Variants in STARD13 observed in about 807,000 individuals in gnomAD.
STARD13 encodes the protein stAR-related lipid transfer protein 13.
In STARD13, 62 loss-of-function variants were observed where a neutral mutation model predicts 106.4. The ratio of observed to expected loss-of-function variants is 0.58; its 90% CI spans 0.48 to 0.72. The LOEUF (loss-of-function observed/expected upper bound fraction) is 0.72. Among genes scored for constraint, STARD13 ranks in the 30% least tolerant of loss-of-function variants. The probability of loss-of-function intolerance (pLI) is 0.00; values close to 1 mark genes in which losing one functional copy is unlikely to be tolerated. For missense variants in STARD13, 1,387 were observed against 1,424.0 expected, an observed-to-expected ratio of 0.97 and a Z score of 0.42; for synonymous variants, 565 against 553.0, an observed-to-expected ratio of 1.02 and a Z score of -0.31.
the STARD13 span, among the ~76,000 whole-genome samples, chr13:33,563,672 C>T: frequency 6.8e-6 from 1 of 147,386 alleles, no homozygotes; most frequent in African/African-American, 2.5e-5. Context: ...CTGGGCAAAA[C>T]ATTTTTGTAT....
intron 1 of STARD13, among the ~76,000 whole-genome samples, chr13:33,311,029 G>A (rs542353574): frequency 1.3e-5 from 2 of 151,590 alleles, no homozygotes; most frequent in Admixed American, 6.6e-5. Context: ...GGGTGAGGTC[G>A]CTCACCCCTT....
the STARD13 span, among the ~76,000 whole-genome samples, chr13:33,399,135 C>T: frequency 6.6e-6 from 1 of 152,056 alleles, no homozygotes; most frequent in Non-Finnish European, 1.5e-5. Context: ...TATATTCACA[C>T]AATGGAGTAT....
At chr13:33,160,916 A>G (rs1335255877) in intron 3 of STARD13, among the ~76,000 whole-genome samples, 1 of 152,202 alleles carries the variant, frequency 6.6e-6, no homozygotes, top group Non-Finnish European at 1.5e-5. Flanking sequence ...CATTCCTAGG[A>G]TTTTACATCA....
chr13:33,295,237 G>A (rs1428487049), intron 1 of STARD13, among the ~76,000 whole-genome samples: 1 of 152,160 alleles, frequency 6.6e-6, no homozygotes, highest in Non-Finnish European at 1.5e-5. Flanking sequence ...GCAGAGAAGA[G>A]TAGCAACATT....
At chr13:33,359,240 T>G in the STARD13 span, among the ~76,000 whole-genome samples, 1 of 152,166 alleles carries the variant, frequency 6.6e-6, no homozygotes, top group South Asian at 2.1e-4. Context: ...ACTGCAAAGA[T>G]CTGCAGCTTC....
At chr13:33,517,185 T>G in the STARD13 span, among the ~76,000 whole-genome samples, 1 of 152,206 alleles carries the variant, frequency 6.6e-6, no homozygotes, top group East Asian at 1.9e-4. Flanking sequence ...TAGGTTTTTA[T>G]CACAATGTTC....
intron 3 of STARD13, among the ~76,000 whole-genome samples, chr13:33,158,104 G>C (rs1223815951): frequency 1.3e-5 from 2 of 152,150 alleles, no homozygotes; most frequent in Admixed American, 6.5e-5. Context: ...GCAACAGAGA[G>C]ACATGGTTGT....
chr13:33,304,584 C>T (rs1349369480), intron 1 of STARD13, among the ~76,000 whole-genome samples: 1 of 152,194 alleles, frequency 6.6e-6, no homozygotes, highest in Non-Finnish European at 1.5e-5. Flanking sequence ...AATTCTGTAA[C>T]TTTAATGCAT....
At chr13:33,249,216 A>G (rs767252676) in intron 1 of STARD13, among the ~76,000 whole-genome samples, 3 of 152,204 alleles carry the variant, frequency 2.0e-5, no homozygotes, top group Non-Finnish European at 4.4e-5. Context: ...CAGACACACA[A>G]AGGTTATCAC....
At chr13:33,351,710 C>A (rs2078080588), upstream of STARD13, among the ~76,000 whole-genome samples, 1 of 152,176 alleles carries the variant, frequency 6.6e-6, no homozygotes, top group African/African-American at 2.4e-5. Context: ...AATCTCATTT[C>A]TTTTTAAATG....
the STARD13 span, among the ~76,000 whole-genome samples, chr13:33,588,230 G>A: frequency 6.6e-6 from 1 of 152,238 alleles, no homozygotes; most frequent in African/African-American, 2.4e-5. Flanking sequence ...CCCCAAAAAA[G>A]TACCTACCTT....
At chr13:33,207,666 A>C (rs1887494561) in intron 1 of STARD13, among the ~76,000 whole-genome samples, 1 of 152,230 alleles carries the variant, frequency 6.6e-6, no homozygotes, top group Non-Finnish European at 1.5e-5. Context: ...CCTCCATGAG[A>C]ACGTCATTCT....
At chr13:33,180,591 T>A (rs1204949900) in intron 1 of STARD13, 1 of 152,204 alleles carries the variant, frequency 6.6e-6, no homozygotes, top group Non-Finnish European at 1.5e-5. Context: ...AGTTGTGGGT[T>A]AATGTGGAGT....
At chr13:33,269,766 A>G (rs1035820683) in intron 1 of STARD13, among the ~76,000 whole-genome samples, 5 of 152,226 alleles carry the variant, frequency 3.3e-5, no homozygotes, top group African/African-American at 1.2e-4. Flanking sequence ...ATAATTCTTG[A>G]CACTTCAGAA....
In STARD13 at chr13:33,106,840, C is replaced by G; in HGVS notation, c.3142G>C (p.Val1048Leu). 1 of 1,614,206 alleles carries G rather than the reference C, an allele frequency of 6.2e-7. No homozygotes were observed. Among genetic ancestry groups the G allele is most frequent in the Non-Finnish European group, 8.5e-7 (1 of 1,180,024 alleles). ...EAQLLGGVRAVVMDSQYLIEP... is the reference protein window; with the variant it reads ...EAQLLGGVRALVMDSQYLIEP... ...ATCAAGTACTGCGAGTCCATCACCACTGCTCGCACACCACCCAGGAGCTGG... is the reference window on the plus strand; with the variant it reads ...ATCAAGTACTGCGAGTCCATCACCAGTGCTCGCACACCACCCAGGAGCTGG... Residue 1048 changes from valine to leucine, a missense_variant, in exon 13 of 14, where the codon GTG (valine) becomes CTG (leucine). Transcript: ENST00000336934.
At chr13:33,611,204 G>A in the STARD13 span, 1 of 152,320 alleles carries the variant, frequency 6.6e-6, no homozygotes, top group African/African-American at 2.4e-5. Context: ...GGCAGGGCCA[G>A]CTGCTGGCAG....
chr13:33,560,970 C>G, the STARD13 span, among the ~76,000 whole-genome samples: 37,503 of 151,218 alleles, frequency 0.25, 5,973 homozygotes, highest in East Asian at 0.43. Context: ...TTTTTTAAAT[C>G]CCTTCAGTGT....
At chr13:33,535,472 G>A in the STARD13 span, among the ~76,000 whole-genome samples, 1 of 151,358 alleles carries the variant, frequency 6.6e-6, no homozygotes, top group African/African-American at 2.4e-5. Context: ...AGAATCAAAG[G>A]CAATCAATTA....
At chr13:33,366,058 G>GAT in the STARD13 span, among the ~76,000 whole-genome samples, 29 of 151,332 alleles carry the variant, frequency 1.9e-4, no homozygotes, top group East Asian at 3.9e-4. This position sits in a 1 kb window ranked among gnomAD's most constrained non-coding sequence, Gnocchi z 4.2. Flanking sequence ...CACTAAAAGT[G>GAT]ATATATATAT....
Sources: allele counts gnomAD v4.1 joint callset (sites outside exome capture counted in the v4.1 genomes callset), GRCh38; gene constraint gnomAD v4.1.1; non-coding constraint Gnocchi (gnomAD v3.1); transcripts MANE v1.5; gene names NCBI Gene and HGNC (gene_info 2026-07-23, HGNC 2026-07-21).